The following DCUN1D2 variants were observed in gnomAD, a reference collection of about 807,000 sequenced individuals.
The protein encoded by DCUN1D2 is DCN1-like protein 2.
Under a neutral mutation model 30.9 loss-of-function variants are expected in DCUN1D2, and 29 were observed. That is an observed-to-expected ratio of 0.94 (90% CI 0.70 to 1.28). The LOEUF is 1.28. DCUN1D2 is among the 50% of genes most tolerant of loss of function. DCUN1D2 has a pLI of 0.00. For synonymous variants in DCUN1D2, 121 were observed against 115.3 expected (o/e 1.05, Z -0.32); for missense variants, 325 against 316.9 (o/e 1.03, Z -0.19).
intron 4 of DCUN1D2, among the ~76,000 whole-genome samples, chr13:113,472,500 G>T (rs1195901112): frequency 6.6e-6 from 1 of 152,144 alleles, no homozygotes; most frequent in Non-Finnish European, 1.5e-5. Context: ...CAACACCAGA[G>T]TACACCAACA....
intron 2 of DCUN1D2, among the ~76,000 whole-genome samples, chr13:113,483,357 G>A (rs1016577031): frequency 6.6e-6 from 1 of 152,166 alleles, no homozygotes; most frequent in African/African-American, 2.4e-5. Flanking sequence ...CTATTTCAGG[G>A]CTGACACGCC....
chr13:113,484,694 G>A (rs1050890122), intron 1 of DCUN1D2, among the ~76,000 whole-genome samples: 2 of 152,120 alleles, frequency 1.3e-5, no homozygotes, highest in African/African-American at 4.8e-5. Context: ...CAGAGGCTCT[G>A]GGCAGGCAAT....
At chr13:113,466,970 C>G (rs1476158937) in intron 4 of DCUN1D2, among the ~76,000 whole-genome samples, 1 of 152,052 alleles carries the variant, frequency 6.6e-6, no homozygotes, top group Non-Finnish European at 1.5e-5. Flanking sequence ...CCACGCCCGG[C>G]TAATTTTTTA....
At chr13:113,462,209 G>A (rs1380831508) in intron 4 of DCUN1D2, among the ~76,000 whole-genome samples, 5 of 149,712 alleles carry the variant, frequency 3.3e-5, no homozygotes, top group East Asian at 3.9e-4. Context: ...CCGAGATTGC[G>A]CCACTGCACT....
chr13:113,480,998 T>C (rs185726654), intron 2 of DCUN1D2, among the ~76,000 whole-genome samples: 4 of 152,286 alleles, frequency 2.6e-5, no homozygotes, highest in Non-Finnish European at 5.9e-5. Flanking sequence ...ACTGAATTTT[T>C]TTTGAGAAGA....
At chr13:113,483,406 T>C (rs968785856) in intron 2 of DCUN1D2, among the ~76,000 whole-genome samples, 3 of 152,186 alleles carry the variant, frequency 2.0e-5, no homozygotes, top group Admixed American at 6.5e-5. Flanking sequence ...TTACCCTCAC[T>C]TCAGATCATC....
At chr13:113,465,104 G>C (rs1364472228) in intron 4 of DCUN1D2, among the ~76,000 whole-genome samples, 2 of 152,186 alleles carry the variant, frequency 1.3e-5, no homozygotes, top group African/African-American at 2.4e-5. Context: ...CTGCATTGCA[G>C]AGTATCAATA....
At chr13:113,490,864 G>T (rs971109586), upstream of DCUN1D2, 2 of 328,322 alleles carry the variant, frequency 6.1e-6, no homozygotes, top group Non-Finnish European at 9.8e-6. This position sits in a 1 kb window ranked among gnomAD's most constrained non-coding sequence, Gnocchi z 5.2. Context: ...GCCCCTGCGC[G>T]TCCAGCCCTC....
chr13:113,462,935 C>T, intron 4 of DCUN1D2: 1 of 1,184,636 alleles, frequency 8.4e-7, no homozygotes, highest in Non-Finnish European at 1.1e-6. Context: ...CACATTTAAT[C>T]TAGTTACTTT....
intron 4 of DCUN1D2, among the ~76,000 whole-genome samples, chr13:113,468,719 C>G (rs1221371917): frequency 6.6e-6 from 1 of 152,146 alleles, no homozygotes; most frequent in Non-Finnish European, 1.5e-5. Context: ...TTCCCTGAAT[C>G]TGCGCATAAA....
intron 4 of DCUN1D2, among the ~76,000 whole-genome samples, chr13:113,461,401 G>GAAA (rs2044316178): frequency 6.6e-6 from 1 of 152,136 alleles, no homozygotes; most frequent in Non-Finnish European, 1.5e-5. Context: ...ATCAGTTTTG[G>GAAA]AGACTTGCCT....
At position 113,483,965 on chromosome 13, in the gene DCUN1D2, T is replaced by G. The variant is rs779523054; in HGVS notation, c.95A>C (p.Gln32Pro). The change falls in exon 2 of 7, where the codon CAG becomes CCG. Residue 32 changes from glutamine (Q) to proline (P), a missense_variant. Coordinates refer to ENST00000478244, the MANE Select transcript of DCUN1D2 (RefSeq NM_001014283.2). ...GGCCTCGTCTAGTCTCCACTCATTCTGCGTTAAGCAGTAGATAGCAGTTCT... is the reference window on the plus strand; with the variant it reads ...GGCCTCGTCTAGTCTCCACTCATTCGGCGTTAAGCAGTAGATAGCAGTTCT... ...GERTAIYCLTQNEWRLDEATD... is the reference protein window; with the variant it reads ...GERTAIYCLTPNEWRLDEATD... 114 of 1,614,136 alleles carry G rather than the reference T, an allele frequency of 7.1e-5. 1 individual carries two copies. The highest frequency in any genetic ancestry group is 1.6e-4 in the Middle Eastern group (1 of 6,074).
intron 1 of DCUN1D2, chr13:113,489,113 T>C (rs2044862465): frequency 4.1e-6 from 4 of 985,346 alleles, no homozygotes; most frequent in Non-Finnish European, 4.8e-6. Context: ...GCCAATCATG[T>C]TGATCGAATA....
chr13:113,486,387 G>A lies in DCUN1D2; in HGVS notation c.4-2331C>T, dbSNP rs140985392. On this transcript the variant is annotated intron_variant, in intron 1 of 6. Transcript: ENST00000478244. ...GGAGAGGATCCCAAAACTACCCACC[G>A]GCTACTGTGCTTAGTACCTGGTTGA... 1.9e-3 allele frequency among the ~76,000 whole-genome samples: 288 copies of A among 152,218 alleles called. 1 individual carries two copies. The highest frequency in any genetic ancestry group is 6.6e-3 in the African/African-American group (273 of 41,524).
chr13:113,463,664 C>T (rs1410548658), intron 4 of DCUN1D2, among the ~76,000 whole-genome samples: 3 of 152,094 alleles, frequency 2.0e-5, no homozygotes, highest in African/African-American at 4.8e-5. Flanking sequence ...TTAGGTTAAC[C>T]GTTAGTTAAG....
chr13:113,489,673 C>T (rs1402684770), intron 1 of DCUN1D2, among the ~76,000 whole-genome samples: 1 of 152,142 alleles, frequency 6.6e-6, no homozygotes, highest in East Asian at 1.9e-4. Flanking sequence ...TCTTTCAGCT[C>T]CTATACGTCA....
chr13:113,462,206 T>C (rs1052625756), intron 4 of DCUN1D2, among the ~76,000 whole-genome samples: 1 of 150,386 alleles, frequency 6.6e-6, no homozygotes, highest in Non-Finnish European at 1.5e-5. Context: ...GAGCCGAGAT[T>C]GCGCCACTGC....
At chr13:113,471,941 C>T (rs1371629859) in intron 4 of DCUN1D2, among the ~76,000 whole-genome samples, 1 of 152,162 alleles carries the variant, frequency 6.6e-6, no homozygotes, top group Non-Finnish European at 1.5e-5. Context: ...AAAGACCACC[C>T]ACAACGACAG....
Position 113,488,413 on chromosome 13 carries a change from G to A in DCUN1D2, c.3+2254C>T, listed in dbSNP as rs1472775447. 6.6e-6 allele frequency among the ~76,000 whole-genome samples: 1 copy of A among 152,218 alleles called. No individual in the cohort carries two copies. The highest frequency in any genetic ancestry group is 2.4e-5 in the African/African-American group (1 of 41,452). On this transcript the variant is annotated intron_variant, in intron 1 of 6. Transcript: ENST00000478244. This position sits in a 1 kb window ranked among gnomAD's most constrained non-coding sequence, Gnocchi z 4.3. ...TCTCCATAAAATAACAGTGATTAAAGCAATGATCGATAGCTAAGTCTAAAG... is the reference window on the plus strand; with the variant it reads ...TCTCCATAAAATAACAGTGATTAAAACAATGATCGATAGCTAAGTCTAAAG...
Sources: gnomAD v4.1 joint callset for allele counts (sites outside exome capture counted in the v4.1 genomes callset) on GRCh38, gnomAD v4.1.1 for gene constraint, Gnocchi (gnomAD v3.1) non-coding constraint, MANE v1.5 for transcripts, NCBI Gene and HGNC (gene_info 2026-07-23, HGNC 2026-07-21) for gene names.